Variants in KTN1 observed in about 807,000 individuals in gnomAD.
KTN1 encodes the protein kinectin 1.
Under a neutral mutation model 222.5 loss-of-function variants are expected in KTN1, and 130 were observed. The ratio of observed to expected loss-of-function variants is 0.58; its 90% CI spans 0.51 to 0.68. The LOEUF (loss-of-function observed/expected upper bound fraction) is 0.68, where lower values mean the gene tolerates loss of function less well. Among genes scored for constraint, KTN1 ranks in the 30% least tolerant of loss-of-function variants. The pLI is 0.00. For synonymous variants in KTN1, 512 were observed against 496.3 expected (o/e 1.03, Z -0.42); for missense variants, 1,508 against 1,500.4 (o/e 1.01, Z -0.08).
At position 55,661,592 on chromosome 14, in the gene KTN1, C is replaced by T; in HGVS notation, c.3070C>T (p.His1024Tyr). The stretch of plus-strand genomic sequence containing the variant: ...AGATTCTTTGAAGGATGCAGTTGAA[C>T]ACCAGAGGAAGAAAAACAATGTAAG... ...ELDSLKDAVE[H>Y]QRKKNNDLRE... The change falls in exon 32 of 44, where the codon CAC (histidine) becomes TAC (tyrosine). Residue 1024 changes from histidine to tyrosine, a missense_variant. By Grantham distance (83) the His-to-Tyr change is moderately conservative. Transcript: ENST00000395314. The T allele has an allele frequency of 1.9e-6, 3 of 1,579,276 alleles. No homozygotes were observed. Among genetic ancestry groups the T allele is most frequent in the African/African-American group, 1.3e-5 (1 of 74,328 alleles).
At chr14:55,676,060 A>G (rs1420322202) in intron 41 of KTN1, 142 bp downstream of exon 41, 1 of 553,436 alleles carries the variant, frequency 1.8e-6, no homozygotes, top group Non-Finnish European at 3.2e-6. Flanking sequence ...GCTTGTTATT[A>G]GTTAGTATTT....
intron 4 of KTN1, among the ~76,000 whole-genome samples, chr14:55,618,567 CGAGGCTCCTTTGAGTCT>C (rs1418029375): frequency 2.6e-5 from 4 of 152,028 alleles, no homozygotes; most frequent in Non-Finnish European, 4.4e-5. Flanking sequence ...ATTAAAAGCC[CGAGGCTCCTTTGAGTCT>C]GATGGGTGGC....
chr14:55,656,135 GA>G lies in KTN1; in HGVS notation c.2892+5del, dbSNP rs762561157. The G allele has an allele frequency of 1.2e-4, 181 of 1,567,040 alleles. No individual in the cohort carries two copies. The highest frequency in any genetic ancestry group is 1.6e-4 in the Non-Finnish European group (178 of 1,139,772). On this transcript the variant is annotated splice_donor_region_variant and intron_variant, in intron 29 of 43. Transcript: ENST00000395314. ...CTAGCAAAACACAGCTGTTACAGGT[GA>G]ATATGGTGACTTAAAATTAATTATT... is the stretch of plus-strand genomic sequence containing the variant.
At chr14:55,671,520 C>A in intron 35 of KTN1, 46 bp from the exon 36 acceptor site, 2 of 1,439,282 alleles carry the variant, frequency 1.4e-6, no homozygotes, top group Non-Finnish European at 1.9e-6. Context: ...AAGCATAAAA[C>A]TTTCTGGTAG....
chr14:55,654,414 G>A (rs2043247081), intron 28 of KTN1, among the ~76,000 whole-genome samples: 1 of 152,082 alleles, frequency 6.6e-6, no homozygotes, highest in African/African-American at 2.4e-5. Flanking sequence ...TTTGGCTATG[G>A]TGTAACTGTC....
chr14:55,596,154 C>CGAAAAAA, intron 1 of KTN1, among the ~76,000 whole-genome samples: 1 of 61,108 alleles, frequency 1.6e-5, no homozygotes, highest in South Asian at 6.5e-4. Flanking sequence ...GACTCAATAG[C>CGAAAAAA]AAAAAAAAAA....
intron 5 of KTN1, among the ~76,000 whole-genome samples, chr14:55,626,932 G>A (rs1455602681): frequency 6.6e-6 from 1 of 151,092 alleles, no homozygotes; most frequent in Non-Finnish European, 1.5e-5. Flanking sequence ...CTTTGCACTT[G>A]TTTGTTGTTT....
chr14:55,588,546 CAG>C (rs753837172), intron 1 of KTN1, among the ~76,000 whole-genome samples: 3 of 152,104 alleles, frequency 2.0e-5, no homozygotes, highest in East Asian at 3.8e-4. Context: ...ACTGGAAGGA[CAG>C]AATGCTCATG....
chr14:55,585,980 TTGTC>T (rs2032902631), intron 1 of KTN1, among the ~76,000 whole-genome samples: 1 of 152,328 alleles, frequency 6.6e-6, no homozygotes, highest in East Asian at 1.9e-4. Flanking sequence ...TAAGTGTACA[TTGTC>T]TATCAGGAGA....
intron 5 of KTN1, among the ~76,000 whole-genome samples, chr14:55,619,727 A>T (rs893253257): frequency 6.6e-6 from 1 of 152,110 alleles, no homozygotes; most frequent in Non-Finnish European, 1.5e-5. Flanking sequence ...CCCATGATTC[A>T]ATTATGTCCC....
At chr14:55,657,970 T>A (rs781424821) in intron 29 of KTN1, among the ~76,000 whole-genome samples, 1 of 151,866 alleles carries the variant, frequency 6.6e-6, no homozygotes, top group Non-Finnish European at 1.5e-5. Flanking sequence ...TTTGTTTGTT[T>A]GTTTGTTTAG....
intron 1 of KTN1, among the ~76,000 whole-genome samples, chr14:55,582,317 C>A (rs2031871465): frequency 6.6e-6 from 1 of 152,128 alleles, no homozygotes; most frequent in African/African-American, 2.4e-5. Context: ...AGTCTCCCTT[C>A]TAGTTTATAG....
intron 1 of KTN1, among the ~76,000 whole-genome samples, chr14:55,594,714 C>T (rs1310979413): frequency 6.6e-6 from 1 of 152,130 alleles, no homozygotes; most frequent in Non-Finnish European, 1.5e-5. Flanking sequence ...AAACAGTTTT[C>T]ACACGTAGGT....
chr14:55,629,011 A>C (rs1292962611), intron 6 of KTN1, among the ~76,000 whole-genome samples: 6 of 152,226 alleles, frequency 3.9e-5, no homozygotes, highest in African/African-American at 1.4e-4. Flanking sequence ...ATTAGTCCTA[A>C]TGATACCTGC....
At chr14:55,593,446 C>CCCCCCCCA (rs1555357160) in intron 1 of KTN1, among the ~76,000 whole-genome samples, 3 of 120,584 alleles carry the variant, frequency 2.5e-5, no homozygotes, top group African/African-American at 9.5e-5. Flanking sequence ...ACCCCCCCCC[C>CCCCCCCCA]AAAAAAAAAA....
At chr14:55,633,660 A>G (rs969244763) in intron 8 of KTN1, among the ~76,000 whole-genome samples, 1 of 152,092 alleles carries the variant, frequency 6.6e-6, no homozygotes, top group Non-Finnish European at 1.5e-5. Context: ...AGTACCACCA[A>G]TGGAATGGTC....
At chr14:55,660,613 A>C (rs2044027023) in intron 31 of KTN1, among the ~76,000 whole-genome samples, 1 of 151,946 alleles carries the variant, frequency 6.6e-6, no homozygotes, top group Non-Finnish European at 1.5e-5. Context: ...GTTGGTTTAC[A>C]GAGTTGCTTG....
At chr14:55,582,990 C>T (rs1341123010) in intron 1 of KTN1, among the ~76,000 whole-genome samples, 1 of 152,162 alleles carries the variant, frequency 6.6e-6, no homozygotes, top group Non-Finnish European at 1.5e-5. Context: ...CTTCCTCTTT[C>T]AGTTCCTGTG....
intron 18 of KTN1, among the ~76,000 whole-genome samples, chr14:55,645,509 A>G (rs2042197979): frequency 6.6e-6 from 1 of 152,240 alleles, no homozygotes; most frequent in African/African-American, 2.4e-5. Context: ...GTTAAGGTGC[A>G]GGTAACTTAG....
Sources: gnomAD v4.1 joint callset for allele counts (sites outside exome capture counted in the v4.1 genomes callset) on GRCh38, gnomAD v4.1.1 for gene constraint, MANE v1.5 for transcripts, NCBI Gene and HGNC (gene_info 2026-07-23, HGNC 2026-07-21) for gene names.